Variants in STXBP5 observed in about 807,000 individuals in gnomAD.
STXBP5 encodes the protein syntaxin binding protein 5.
A neutral mutation model predicts 152.4 loss-of-function variants in STXBP5; 50 were observed. The observed-to-expected ratio is 0.33, with a 90% CI of 0.26 to 0.42. The LOEUF (loss-of-function observed/expected upper bound fraction) is 0.42, where lower values mean the gene tolerates loss of function less well. Among genes scored for constraint, STXBP5 ranks in the 10% least tolerant of loss-of-function variants. The pLI is 1.00. For missense variants in STXBP5, 1,167 were observed against 1,388.6 expected (o/e 0.84, Z 2.54); for synonymous variants, 492 against 494.7 (o/e 0.99, Z 0.07).
chr6:147,285,924 A>G (rs1224467030), intron 8 of STXBP5, among the ~76,000 whole-genome samples: 1 of 152,202 alleles, frequency 6.6e-6, no homozygotes, highest in African/African-American at 2.4e-5. Flanking sequence ...ATTTGTGTCT[A>G]TAATTCTAAA....
At chr6:147,326,991 C>T (rs1783292101) in intron 17 of STXBP5, 134 bp from the exon 18 acceptor site, 1 of 704,828 alleles carries the variant, frequency 1.4e-6, no homozygotes, top group Non-Finnish European at 2.3e-6. Context: ...TATTTCAGTT[C>T]CTATAGTTGT....
chr6:147,357,053 G>A (rs1365400758), intron 22 of STXBP5, among the ~76,000 whole-genome samples: 1 of 152,090 alleles, frequency 6.6e-6, no homozygotes, highest in Admixed American at 6.6e-5. Context: ...ATATCAAAAC[G>A]ACACAGTCCT....
rs567332259 is a variant in STXBP5, at chr6:147,283,874, A to G, written c.838+5670A>G. 2.0e-5 allele frequency among the ~76,000 whole-genome samples: 3 copies of G among 152,254 alleles called. No homozygotes were observed. The East Asian group carries it at 5.8e-4, about 29-fold the overall frequency. ...AGGGAACAACCCTCCTCCCCATTGC[A>G]GACTAGTATTATTAGCAATGTGGCT... is the stretch of plus-strand genomic sequence containing the variant. On this transcript the variant is annotated intron_variant, in intron 8 of 27. Transcript: ENST00000321680.
chr6:147,313,383 C>T (rs1173478174), intron 11 of STXBP5, among the ~76,000 whole-genome samples: 1 of 152,022 alleles, frequency 6.6e-6, no homozygotes, highest in Non-Finnish European at 1.5e-5. Context: ...ATCTAGAAAA[C>T]ATTTAAGGTA....
intron 26 of STXBP5, among the ~76,000 whole-genome samples, chr6:147,382,007 CT>C (rs1786109365): frequency 6.6e-6 from 1 of 151,950 alleles, no homozygotes. Flanking sequence ...AATGTATTCA[CT>C]TTAAAGGAGC....
chr6:147,270,289 C>T (rs1414112112), intron 7 of STXBP5, among the ~76,000 whole-genome samples: 1 of 150,688 alleles, frequency 6.6e-6, no homozygotes, highest in African/African-American at 2.4e-5. Context: ...GTCCCAGCTA[C>T]TTGGGAGGCC....
intron 23 of STXBP5, among the ~76,000 whole-genome samples, chr6:147,359,989 C>T (rs570308453): frequency 6.6e-6 from 1 of 152,218 alleles, no homozygotes; most frequent in African/African-American, 2.4e-5. Context: ...GGGCAAAGGA[C>T]ATCAACAGAC....
At chr6:147,275,694 A>T (rs1231714345) in intron 7 of STXBP5, among the ~76,000 whole-genome samples, 1 of 150,786 alleles carries the variant, frequency 6.6e-6, no homozygotes, top group Non-Finnish European at 1.5e-5. Context: ...AGTACCTGGG[A>T]CTACAGGTAC....
At chr6:147,323,359 A>T (rs1783035668) in intron 16 of STXBP5, among the ~76,000 whole-genome samples, 1 of 151,528 alleles carries the variant, frequency 6.6e-6, no homozygotes, top group African/African-American at 2.4e-5. Flanking sequence ...TCTTCCCCAG[A>T]TATTTCTTAT....
chr6:147,374,501 G>A (rs1339802729), intron 26 of STXBP5, among the ~76,000 whole-genome samples: 1 of 152,144 alleles, frequency 6.6e-6, no homozygotes, highest in African/African-American at 2.4e-5. Context: ...TTGGTCTGTA[G>A]TTTTAGTTCA....
At chr6:147,277,034 GATGAGTTTATCAGGGT>G (rs1441751253) in intron 7 of STXBP5, among the ~76,000 whole-genome samples, 6 of 152,026 alleles carry the variant, frequency 3.9e-5, no homozygotes, top group African/African-American at 1.4e-4. Flanking sequence ...TTTGACTTAT[GATGAGTTTATCAGGGT>G]ATGACTTCAT....
intron 4 of STXBP5, 146 bp downstream of exon 4, chr6:147,239,416 A>G (rs1275991625): frequency 1.6e-6 from 1 of 622,960 alleles, no homozygotes; most frequent in Non-Finnish European, 2.6e-6. Flanking sequence ...AATAAAAGCA[A>G]GATTCCTTCT....
intron 21 of STXBP5, among the ~76,000 whole-genome samples, chr6:147,339,753 T>G (rs2128397759): frequency 6.6e-6 from 1 of 152,108 alleles, no homozygotes; most frequent in Admixed American, 6.5e-5. Flanking sequence ...TCTGTCTCTC[T>G]CATATTTTCA....
intron 6 of STXBP5, 25 bp downstream of exon 6, chr6:147,262,378 A>T: frequency 2.2e-6 from 3 of 1,372,042 alleles, no homozygotes; most frequent in Non-Finnish European, 3.0e-6. Context: ...AAAAAATTAT[A>T]TATTAAATGC....
chr6:147,284,436 T>C (rs1456138610), intron 8 of STXBP5, among the ~76,000 whole-genome samples: 2 of 152,316 alleles, frequency 1.3e-5, no homozygotes, highest in East Asian at 3.9e-4. Flanking sequence ...ACTGAAAATA[T>C]ACTGTCCTGA....
Position 147,363,547 on chromosome 6 carries a change from G to A in STXBP5, c.2758G>A (p.Glu920Lys). Residue 920 changes from glutamate to lysine, a missense_variant, in exon 24 of 28, where the codon GAA (glutamate) becomes AAA (lysine). Glu to Lys is a moderately conservative substitution (Grantham distance 56, BLOSUM62 1). Coordinates refer to ENST00000321680, the MANE Select transcript of STXBP5 (RefSeq NM_001127715.4). Reference sequence around the variant, plus strand: ...AAACCAGTATGCAGTGATATGTTCTGAAAAGCAAGCAAAAGTAATCTCACT... The same window carrying A: ...AAACCAGTATGCAGTGATATGTTCTAAAAAGCAAGCAAAAGTAATCTCACT... Reference protein sequence around the residue: ...SENQYAVICSEKQAKVISLPT... With the variant: ...SENQYAVICSKKQAKVISLPT... The A allele has an allele frequency of 6.2e-7, 1 of 1,614,146 alleles. No individual in the cohort carries two copies. The highest frequency in any genetic ancestry group is 8.5e-7 in the Non-Finnish European group (1 of 1,180,020).
intron 11 of STXBP5, 95 bp from the exon 12 acceptor site, chr6:147,313,789 A>T: frequency 1.3e-6 from 1 of 778,738 alleles, no homozygotes; most frequent in South Asian, 3.6e-5. Context: ...AATCTCTATG[A>T]TAGAATGTAT....
At chr6:147,260,077 C>A (rs1430583002) in intron 4 of STXBP5, among the ~76,000 whole-genome samples, 2 of 152,092 alleles carry the variant, frequency 1.3e-5, no homozygotes, top group South Asian at 4.1e-4. Context: ...GAAAGATGGA[C>A]CTTGACAATC....
In STXBP5 at chr6:147,251,171, G is replaced by A. The variant is rs549275400; in HGVS notation, c.432-9444G>A. 1.0e-3 allele frequency among the ~76,000 whole-genome samples: 156 copies of A among 152,144 alleles called. 1 individual carries two copies. Among genetic ancestry groups the A allele is most frequent in the African/African-American group, 3.6e-3 (148 of 41,504 alleles). On this transcript the variant is annotated intron_variant, in intron 4 of 27. Transcript: ENST00000321680. ...AGCAGGGTGTGGCGTTGCCTCACCC[G>A]GAAGCGGAAAGGGTCGGGAAACTCC...
Sources: allele counts gnomAD v4.1 joint callset (sites outside exome capture counted in the v4.1 genomes callset), GRCh38; gene constraint gnomAD v4.1.1; transcripts MANE v1.5; gene names NCBI Gene and HGNC (gene_info 2026-07-23, HGNC 2026-07-21).